Variants in MYO16 observed in about 807,000 individuals in gnomAD.
MYO16 encodes the protein myosin XVI.
In MYO16, 94 loss-of-function variants were observed where a neutral mutation model predicts 205.3. That is an observed-to-expected ratio of 0.46 (90% confidence interval 0.39 to 0.54). The LOEUF is 0.54. MYO16 is among the 20% of genes least tolerant of loss of function. The probability of loss-of-function intolerance (pLI) is 0.00; values close to 1 mark genes in which losing one functional copy is unlikely to be tolerated. For missense variants in MYO16, 2,315 were observed against 2,387.5 expected (o/e 0.97, Z 0.63); for synonymous variants, 988 against 954.0 (o/e 1.04, Z -0.66).
chr13:108,862,042 T>C (rs190068466), intron 11 of MYO16, among the ~76,000 whole-genome samples: 1 of 152,282 alleles, frequency 6.6e-6, no homozygotes, highest in Non-Finnish European at 1.5e-5. Flanking sequence ...CATTTTATTA[T>C]TTTAGCATTT....
Position 109,173,951 on chromosome 13 carries a change from G to GGT in MYO16, c.5324-5590_5324-5589insTG, listed in dbSNP as rs200190426. 3.3e-3 allele frequency among the ~76,000 whole-genome samples: 489 copies of GGT among 148,122 alleles called. 12 individuals are homozygous for GGT. The highest frequency in any genetic ancestry group is 0.012 in the African/African-American group (469 of 39,888). On this transcript the variant is annotated intron_variant, in intron 33 of 34. Coordinates refer to ENST00000457511, the MANE Select transcript of MYO16 (RefSeq NM_001198950.3). ...AAAGGGTTGTCCTTGTTTTGATGGG[G>GGT]GGGGGTACTCTCTGCTGTTTTGGAA...
At chr13:108,549,768 G>T in the MYO16 span, among the ~76,000 whole-genome samples, 7 of 152,072 alleles carry the variant, frequency 4.6e-5, no homozygotes, top group African/African-American at 1.7e-4. Context: ...ATGAGAAAAA[G>T]AAAAATAAAT....
At position 108,855,290 on chromosome 13, in the gene MYO16, T is replaced by C. The variant is rs11343482; in HGVS notation, c.1249-153T>C. 807 of 393,606 alleles carry C rather than the reference T, an allele frequency of 2.1e-3. 1 individual carries two copies. The highest frequency in any genetic ancestry group is 4.0e-3 in the Middle Eastern group (6 of 1,504). 24.4% of individuals were successfully genotyped at this position (393,606 alleles called of 1,614,324 possible). On this transcript the variant is annotated intron_variant, in intron 10 of 34. Coordinates refer to ENST00000457511, the MANE Select transcript of MYO16 (RefSeq NM_001198950.3). Reference sequence around the variant, plus strand: ...GTGGCTTTAGAGTTTTTTTTTTTTTTCTTTTTCATTGAACCATTTCATCTC... The same window carrying C: ...GTGGCTTTAGAGTTTTTTTTTTTTTCCTTTTTCATTGAACCATTTCATCTC...
intron 2 of MYO16, among the ~76,000 whole-genome samples, chr13:108,676,293 G>T (rs1474545743): frequency 6.6e-6 from 1 of 151,634 alleles, no homozygotes; most frequent in Admixed American, 6.6e-5. Context: ...TGTATTAAAA[G>T]GGAAAAATTT....
chr13:108,659,520 C>T (rs4363727), intron 1 of MYO16: 2 of 185,946 alleles, frequency 1.1e-5, no homozygotes, highest in Non-Finnish European at 2.2e-5. Context: ...CCTTGCCCCC[C>T]TAAAAAAGTG....
At chr13:109,126,877 ACTCT>A (rs1430742724) in intron 30 of MYO16, among the ~76,000 whole-genome samples, 3 of 152,150 alleles carry the variant, frequency 2.0e-5, no homozygotes, top group Admixed American at 2.0e-4. Flanking sequence ...TGCATCAGTA[ACTCT>A]CTATTAAGAT....
Position 108,793,630 on chromosome 13 carries a change from G to C in MYO16, c.731G>C (p.Gly244Ala), listed in dbSNP as rs1383068536. The change falls in exon 6 of 35, where the codon GGA becomes GCA. Residue 244 changes from glycine to alanine, a missense_variant. By Grantham distance (60) the Gly-to-Ala change is moderately conservative. Coordinates refer to ENST00000457511, the MANE Select transcript of MYO16 (RefSeq NM_001198950.3). ...AATGTCAATGAGAAAAACGATGAAG[G>C]AGTAACCCTGGTAAGTTCATATATT... ...GGNVNEKNDE[G>A]VTLLHMACAS... 1.2e-6 allele frequency: 2 copies of C among 1,613,290 alleles called. No individual in the cohort carries two copies. Among genetic ancestry groups the C allele is most frequent in the African/African-American group, 2.7e-5 (2 of 74,916 alleles).
intron 29 of MYO16, among the ~76,000 whole-genome samples, chr13:109,122,744 A>G (rs1490349279): frequency 6.6e-6 from 1 of 151,996 alleles, no homozygotes; most frequent in East Asian, 1.9e-4. Context: ...CCATAATCTC[A>G]TATTGCATAA....
chr13:109,072,062 T>G (rs9559483), intron 27 of MYO16, among the ~76,000 whole-genome samples: 27,226 of 152,104 alleles, frequency 0.18, 2,485 homozygotes, highest in East Asian at 0.28. Flanking sequence ...TTATCACCAG[T>G]GTGCTGGGTG....
intron 4 of MYO16, among the ~76,000 whole-genome samples, chr13:108,783,654 G>A (rs192809056): frequency 1.6e-4 from 25 of 152,254 alleles, no homozygotes; most frequent in Admixed American, 9.1e-4. Flanking sequence ...GAATTCCCAC[G>A]TGTTGTGGGA....
intron 34 of MYO16, among the ~76,000 whole-genome samples, chr13:109,188,510 G>A (rs1279865815): frequency 6.6e-6 from 1 of 152,110 alleles, no homozygotes; most frequent in Non-Finnish European, 1.5e-5. Context: ...GTTAGATTTA[G>A]GTATGTATTA....
chr13:108,499,560 A>G, the MYO16 span, among the ~76,000 whole-genome samples: 6 of 152,196 alleles, frequency 3.9e-5, no homozygotes, highest in South Asian at 2.1e-4. Flanking sequence ...CCACTTATAT[A>G]GGAATCTGCA....
At chr13:108,672,964 G>A (rs1882052825) in intron 2 of MYO16, among the ~76,000 whole-genome samples, 1 of 151,234 alleles carries the variant, frequency 6.6e-6, no homozygotes, top group Non-Finnish European at 1.5e-5. Context: ...TTGCAGGTAT[G>A]TTCTGCACTC....
chr13:108,850,787 C>T (rs1877821833), intron 10 of MYO16, among the ~76,000 whole-genome samples: 1 of 152,198 alleles, frequency 6.6e-6, no homozygotes, highest in Non-Finnish European at 1.5e-5. Context: ...AGGAACTCTT[C>T]CCTTGATCTG....
intron 4 of MYO16, among the ~76,000 whole-genome samples, chr13:108,762,683 A>G (rs1885648652): frequency 6.6e-6 from 1 of 152,234 alleles, no homozygotes; most frequent in Non-Finnish European, 1.5e-5. Flanking sequence ...AGCTGATAAT[A>G]AAATGTGGAA....
chr13:108,801,849 G>C (rs150117863), intron 6 of MYO16, among the ~76,000 whole-genome samples: 1 of 152,144 alleles, frequency 6.6e-6, no homozygotes, highest in Non-Finnish European at 1.5e-5. Flanking sequence ...GTGAGCTCTC[G>C]ATCAAAGTTA....
chr13:108,610,963 AAG>A (rs1445526221), intron 1 of MYO16, among the ~76,000 whole-genome samples: 1 of 152,206 alleles, frequency 6.6e-6, no homozygotes, highest in Non-Finnish European at 1.5e-5. Context: ...ATAGTAATAA[AAG>A]AGATGACAGG....
chr13:109,023,659 G>GCA (rs1401353550), intron 23 of MYO16, among the ~76,000 whole-genome samples: 1 of 76,896 alleles, frequency 1.3e-5, no homozygotes, highest in Non-Finnish European at 2.6e-5. Flanking sequence ...ATGTATATAT[G>GCA]TATATATGCA....
At chr13:108,508,467 T>C in the MYO16 span, among the ~76,000 whole-genome samples, 1 of 151,764 alleles carries the variant, frequency 6.6e-6, no homozygotes. Flanking sequence ...TGTTTATCTT[T>C]GTTGCTGCTT....
Sources: allele counts gnomAD v4.1 joint callset (sites outside exome capture counted in the v4.1 genomes callset), GRCh38; gene constraint gnomAD v4.1.1; transcripts MANE v1.5; gene names NCBI Gene and HGNC (gene_info 2026-07-23, HGNC 2026-07-21).